The following CCDC144A variants were observed in gnomAD, a reference collection of about 807,000 sequenced individuals.
The protein encoded by CCDC144A is coiled-coil domain containing 144A.
CCDC144A carries 41 observed loss-of-function variants against 143.8 expected under a neutral mutation model. The ratio of observed to expected loss-of-function variants is 0.29; its 90% CI spans 0.22 to 0.37. The LOEUF (loss-of-function observed/expected upper bound fraction) is 0.37, where lower values mean the gene tolerates loss of function less well. Among genes scored for constraint, CCDC144A ranks in the 10% least tolerant of loss-of-function variants. CCDC144A has a pLI of 1.00. For synonymous variants in CCDC144A, 242 were observed against 517.9 expected, an observed-to-expected ratio of 0.47 and a Z score of 7.23; for missense variants, 637 against 1,488.8, an observed-to-expected ratio of 0.43 and a Z score of 9.41.
At chr17:16,678,799 G>T in the CCDC144A span, among the ~76,000 whole-genome samples, 11 of 141,214 alleles carry the variant, frequency 7.8e-5, no homozygotes, top group Non-Finnish European at 1.4e-4. Context: ...TTGTCGCCCA[G>T]GCTGGAGTGC....
intron 12 of CCDC144A, chr17:16,745,534 G>T: frequency 7.9e-7 from 1 of 1,267,014 alleles, no homozygotes; most frequent in South Asian, 1.3e-5. Context: ...CAGTTTCCTG[G>T]TAAGGAATAA....
intron 6 of CCDC144A, among the ~76,000 whole-genome samples, chr17:16,717,103 CTT>C (rs1195816990): frequency 3.2e-5 from 4 of 126,522 alleles, no homozygotes; most frequent in African/African-American, 1.2e-4. Flanking sequence ...GCTCGGCCAG[CTT>C]TTTTTTTTTT....
chr17:16,676,136 A>G, the CCDC144A span, among the ~76,000 whole-genome samples: 4 of 151,978 alleles, frequency 2.6e-5, no homozygotes, highest in Non-Finnish European at 5.9e-5. Context: ...GACTGGATTG[A>G]AAAAAAGGGC....
chr17:16,674,268 G>T, the CCDC144A span, among the ~76,000 whole-genome samples: 6 of 151,984 alleles, frequency 3.9e-5, no homozygotes, highest in African/African-American at 7.2e-5. Flanking sequence ...TACAAAAATT[G>T]TCCAGGCATG....
chr17:16,724,622 G>C (rs1913288296), intron 8 of CCDC144A, among the ~76,000 whole-genome samples: 1 of 151,078 alleles, frequency 6.6e-6, no homozygotes, highest in Non-Finnish European at 1.5e-5. Context: ...CTCCATTCTT[G>C]CTGATTTGCT....
chr17:16,764,400 C>A, intron 15 of CCDC144A: 3 of 946,484 alleles, frequency 3.2e-6, no homozygotes, highest in South Asian at 2.0e-5. Context: ...TGTAACCAAA[C>A]TGACACATTT....
rs780366682 is a variant in CCDC144A, at chr17:16,690,555, G to A, written c.155G>A (p.Ser52Asn). 1.3e-5 allele frequency: 21 copies of A among 1,613,868 alleles called. No individual in the cohort carries two copies. The East Asian group carries it at 4.2e-4, about 33-fold the overall frequency. ...GDQWSSGFPY[S>N]WWKNSVGSES... ...CAGTGGTCCTCGGGCTTCCCCTACA[G>A]CTGGTGGAAAAACAGCGTCGGCAGC... Residue 52 changes from serine (S) to asparagine (N), a missense_variant, in exon 1 of 17, where the codon AGC becomes AAC. Coordinates refer to ENST00000399273, the MANE Select transcript of CCDC144A (RefSeq NM_001382000.1).
chr17:16,744,091 G>A (rs1157644763), intron 12 of CCDC144A, among the ~76,000 whole-genome samples: 2 of 152,200 alleles, frequency 1.3e-5, no homozygotes, highest in African/African-American at 4.8e-5. Context: ...TCATTGATGA[G>A]CTTCTGGTTT....
At chr17:16,687,804 C>A (rs137918662), upstream of CCDC144A, among the ~76,000 whole-genome samples, 1 of 152,254 alleles carries the variant, frequency 6.6e-6, no homozygotes, top group East Asian at 1.9e-4. Context: ...TTTTGAATAT[C>A]TACAGTTGCC....
At chr17:16,683,996 A>G in the CCDC144A span, 1 of 1,017,852 alleles carries the variant, frequency 9.8e-7, no homozygotes, top group African/African-American at 1.6e-5. Context: ...TGGGTGGCAG[A>G]CAAACCAAAG....
upstream of CCDC144A, among the ~76,000 whole-genome samples, chr17:16,686,010 G>C (rs189568883): frequency 2.0e-5 from 3 of 146,752 alleles, no homozygotes; most frequent in Non-Finnish European, 4.5e-5. Flanking sequence ...TCGAACTCCT[G>C]ACCTCAGATA....
the CCDC144A span, among the ~76,000 whole-genome samples, chr17:16,670,393 T>C: frequency 6.7e-6 from 1 of 149,848 alleles, no homozygotes; most frequent in African/African-American, 2.4e-5. Context: ...GTTCAAGTCA[T>C]TCTCCTGCCT....
chr17:16,697,715 C>G (rs1911498429), intron 2 of CCDC144A, among the ~76,000 whole-genome samples: 2 of 151,936 alleles, frequency 1.3e-5, no homozygotes, highest in African/African-American at 4.8e-5. Context: ...TGTTTTTTCC[C>G]TATAAAAGCC....
intron 12 of CCDC144A, among the ~76,000 whole-genome samples, chr17:16,756,135 A>T (rs1210461056): frequency 1.3e-5 from 2 of 152,124 alleles, no homozygotes; most frequent in Non-Finnish European, 2.9e-5. Context: ...CTGTATCCAG[A>T]TGTTTACATC....
upstream of CCDC144A, among the ~76,000 whole-genome samples, chr17:16,689,166 T>A (rs1910901104): frequency 6.6e-6 from 1 of 152,112 alleles, no homozygotes; most frequent in Non-Finnish European, 1.5e-5. Flanking sequence ...CTTCCTTCTT[T>A]CCTTCTCTTT....
intron 6 of CCDC144A, among the ~76,000 whole-genome samples, chr17:16,718,803 A>G (rs1023247362): frequency 3.8e-5 from 5 of 132,960 alleles, no homozygotes; most frequent in Non-Finnish European, 6.3e-5. Flanking sequence ...TTGACAATCT[A>G]TCAGATTATT....
chr17:16,677,408 T>C, the CCDC144A span, among the ~76,000 whole-genome samples: 1 of 152,092 alleles, frequency 6.6e-6, no homozygotes, highest in Non-Finnish European at 1.5e-5. Flanking sequence ...TTCCTGTGAG[T>C]GCAGATGGCT....
chr17:16,668,576 A>G, the CCDC144A span, among the ~76,000 whole-genome samples: 5 of 152,276 alleles, frequency 3.3e-5, no homozygotes, highest in Admixed American at 2.6e-4. Context: ...ATGAAAGTGC[A>G]TTTTTAATTT....
chr17:16,724,466 C>A (rs1429057099), intron 8 of CCDC144A, among the ~76,000 whole-genome samples: 1 of 150,480 alleles, frequency 6.6e-6, no homozygotes, highest in African/African-American at 2.4e-5. Context: ...GCCGAGATCC[C>A]GCCACTGCAC....
Sources: allele counts gnomAD v4.1 joint callset (sites outside exome capture counted in the v4.1 genomes callset), GRCh38; gene constraint gnomAD v4.1.1; transcripts MANE v1.5; gene names NCBI Gene and HGNC (gene_info 2026-07-23, HGNC 2026-07-21).